The following ALKBH6 variants were observed in gnomAD, a reference collection of about 807,000 sequenced individuals.
The protein encoded by ALKBH6 is probable RNA/DNA demethylase ALKBH6.
Under a neutral mutation model 25.1 loss-of-function variants are expected in ALKBH6, and 20 were observed. The observed-to-expected ratio is 0.80, with a 90% confidence interval of 0.56 to 1.16. ALKBH6 has a LOEUF of 1.16. Among genes scored for constraint, ALKBH6 ranks in the 50% most tolerant of loss-of-function variants. The pLI is 0.00. For synonymous variants in ALKBH6, 156 were observed against 147.5 expected (o/e 1.06, Z -0.42); for missense variants, 263 against 326.5 (o/e 0.81, Z 1.50).
In ALKBH6 at chr19:36,009,159, G is replaced by A; in HGVS notation, c.*131C>T. ...TTTATTTGGTATGGGGTCTTCTGTAGCTCACACAAAATTATTGGGAAAATA... is the reference window on the plus strand; with the variant it reads ...TTTATTTGGTATGGGGTCTTCTGTAACTCACACAAAATTATTGGGAAAATA... On this transcript the variant is annotated 3_prime_UTR_variant, in exon 7 of 7. Transcript: ENST00000378875. The A allele has an allele frequency of 8.4e-7, 1 of 1,184,816 alleles. No individual in the cohort carries two copies. Among genetic ancestry groups the A allele is most frequent in the Non-Finnish European group, 1.1e-6 (1 of 945,452 alleles). 73.4% of individuals were successfully genotyped at this position (1,184,816 alleles called of 1,614,324 possible).
rs1248142742 is a variant in ALKBH6 at position 36,013,021 on chromosome 19, C to T, written c.123G>A (p.Gln41=). 1 of 1,613,024 alleles carries T rather than the reference C, an allele frequency of 6.2e-7. No individual in the cohort carries two copies. Among genetic ancestry groups the T allele is most frequent in the Non-Finnish European group, 8.5e-7 (1 of 1,179,206 alleles). The part of the protein sequence containing the change: ...SKEEEEYLLR[Q]VFNAPKPKWT... Reference sequence around the variant, plus strand: ...CAGACCAGTAGGGCACTGAGGTCACCTGTCGAAGCAAATACTCCTCCTCTT... The same window carrying T: ...CAGACCAGTAGGGCACTGAGGTCACTTGTCGAAGCAAATACTCCTCCTCTT... The change falls in exon 3 of 7, where the codon CAG becomes CAA. Residue 41 remains glutamine, a splice_region_variant and synonymous_variant. Coordinates refer to ENST00000378875, the MANE Select transcript of ALKBH6 (RefSeq NM_032878.5). This position sits in a 1 kb window ranked among gnomAD's most constrained non-coding sequence, Gnocchi z 4.6.
chr19:36,013,313 C>T lies in ALKBH6; in HGVS notation c.54+31G>A. 6.2e-7 allele frequency: 1 copy of T among 1,613,490 alleles called. No individual in the cohort carries two copies. The highest frequency in any genetic ancestry group is 8.5e-7 in the Non-Finnish European group (1 of 1,179,518). On this transcript the variant is annotated intron_variant, in intron 2 of 6. Coordinates refer to ENST00000378875, the MANE Select transcript of ALKBH6 (RefSeq NM_032878.5). The surrounding 1 kb of genome is among the most constrained non-coding windows in gnomAD (Gnocchi z 4.6). ...AAGAACTCAGGAATCAGCCTGCCTC[C>T]TTCACCCTCTGCACCCTGAGTTCTG...
In ALKBH6 at chr19:36,009,481, C is replaced by T; in HGVS notation, c.526G>A (p.Ala176Thr). ...PRSLLVLRGP[A>T]YTRLLHGIAA... is the part of the protein sequence containing the mutation. Reference sequence around the variant, plus strand: ...ATGCCGTGGAGAAGACGCGTGTAGGCGGGGCCGCGGAGCACCAGCAGGCTG... The same window carrying T: ...ATGCCGTGGAGAAGACGCGTGTAGGTGGGGCCGCGGAGCACCAGCAGGCTG... The change falls in exon 7 of 7, where the codon GCC becomes ACC. Residue 176 changes from alanine to threonine, a missense_variant. Coordinates refer to ENST00000378875, the MANE Select transcript of ALKBH6 (RefSeq NM_032878.5). 2.4e-6 allele frequency: 3 copies of T among 1,237,040 alleles called. No homozygotes were observed. The highest frequency in any genetic ancestry group is 3.8e-5 in the South Asian group (1 of 26,226). 76.6% of individuals were successfully genotyped at this position (1,237,040 alleles called of 1,614,324 possible). A position where few individuals can be genotyped will look rare whatever the true frequency, so the allele number is the denominator to read the frequency against.
In ALKBH6 at chr19:36,010,769, C is replaced by A. The variant is rs1968582942; in HGVS notation, c.337-86G>T. 1.0e-5 allele frequency: 16 copies of A among 1,565,808 alleles called. No individual in the cohort carries two copies. Among genetic ancestry groups the A allele is most frequent in the Non-Finnish European group, 1.4e-5 (16 of 1,138,362 alleles). On this transcript the variant is annotated intron_variant, in intron 5 of 6. Transcript: ENST00000378875. This position sits in a 1 kb window ranked among gnomAD's most constrained non-coding sequence, Gnocchi z 5.5. The stretch of plus-strand genomic sequence containing the variant: ...AAAGGGGGGCTTCCCAAGCCAGGGA[C>A]AGGGAGGTGAATGCCTGTTTGGGAG...
In ALKBH6 at chr19:36,011,001, G is replaced by C; in HGVS notation, c.229C>G (p.Pro77Ala). The change falls in exon 5 of 7, where the codon CCA becomes GCA. Residue 77 changes from proline to alanine, a missense_variant. Coordinates refer to ENST00000378875, the MANE Select transcript of ALKBH6 (RefSeq NM_032878.5). ...TTGTCCACGTAGCGCTGGAGCCATG[G>C]GGGCAGCCGCTCAGGAACCATCCCT... Reference protein sequence around the residue: ...PRGMVPERLPPWLQRYVDKVS... With the variant: ...PRGMVPERLPAWLQRYVDKVS... 6.2e-7 allele frequency: 1 copy of C among 1,613,434 alleles called. No homozygotes were observed. Among genetic ancestry groups the C allele is most frequent in the Non-Finnish European group, 8.5e-7 (1 of 1,179,730 alleles).
In ALKBH6 at chr19:36,010,675, C is replaced by T. The variant is rs1194702716; in HGVS notation, c.345G>A (p.Glu115=). The T allele has an allele frequency of 1.2e-6, 2 of 1,613,824 alleles. No individual in the cohort carries two copies. The highest frequency in any genetic ancestry group is 1.3e-5 in the African/African-American group (1 of 75,012). ...CAGTCGGGTAGTACAGTGGTCCGTC[C>T]TCGTGGGGCTAGGGAGTGGGCACCA... The part of the protein sequence containing the change: ...YLPGEGIMPH[E]DGPLYYPTVS... The change falls in exon 6 of 7, where the codon GAG becomes GAA. Residue 115 remains glutamate (E), a synonymous_variant. Transcript: ENST00000378875. This position sits in a 1 kb window ranked among gnomAD's most constrained non-coding sequence, Gnocchi z 5.5.
At position 36,010,977 on chromosome 19, in the gene ALKBH6, T is replaced by G. The variant is rs138805008; in HGVS notation, c.253A>C (p.Lys85Gln). 1 of 1,613,904 alleles carries G rather than the reference T, an allele frequency of 6.2e-7. No homozygotes were observed. The highest frequency in any genetic ancestry group is 1.3e-5 in the African/African-American group (1 of 74,912). Residue 85 changes from lysine (K) to glutamine (Q), a missense_variant, in exon 5 of 7, where the codon AAA becomes CAA. Lys to Gln is a moderately conservative substitution (Grantham distance 53). Coordinates refer to ENST00000378875, the MANE Select transcript of ALKBH6 (RefSeq NM_032878.5). The surrounding 1 kb of genome is among the most constrained non-coding windows in gnomAD (Gnocchi z 5.5). ...LPPWLQRYVD[K>Q]VSNLSLFGGL... ...CCAAAGAGGCTGAGGTTTGACACTTTGTCCACGTAGCGCTGGAGCCATGGG... is the reference window on the plus strand; with the variant it reads ...CCAAAGAGGCTGAGGTTTGACACTTGGTCCACGTAGCGCTGGAGCCATGGG...
Position 36,010,015 on chromosome 19 carries a change from G to A in ALKBH6, c.454-462C>T, listed in dbSNP as rs1254497594. Reference sequence around the variant, plus strand: ...GACATCAGGACATTAGAGGACAACCGCACAGCTGAGGGAGTGTCAGAGCAT... The same window carrying A: ...GACATCAGGACATTAGAGGACAACCACACAGCTGAGGGAGTGTCAGAGCAT... On this transcript the variant is annotated intron_variant, in intron 6 of 6. Transcript: ENST00000378875. This position sits in a 1 kb window ranked among gnomAD's most constrained non-coding sequence, Gnocchi z 5.5. Among the ~76,000 whole-genome samples, 3 of 152,180 alleles carry A rather than the reference G, an allele frequency of 2.0e-5. No individual in the cohort carries two copies. The highest frequency in any genetic ancestry group is 6.5e-5 in the Admixed American group (1 of 15,280).
chr19:36,009,472 G>T lies in ALKBH6; in HGVS notation c.535C>A (p.Arg179Ser). ...LLVLRGPAYT[R>S]LLHGIAAARV... ...GCGGCGGCGATGCCGTGGAGAAGAC[G>T]CGTGTAGGCGGGGCCGCGGAGCACC... is the stretch of plus-strand genomic sequence containing the variant. The change falls in exon 7 of 7, where the codon CGT (arginine) becomes AGT (serine). Residue 179 changes from arginine (R) to serine (S), a missense_variant. Arg to Ser is a moderately radical substitution (Grantham distance 110). Around this residue, in one of 3 missense-constraint regions of ALKBH6, gnomAD observed 148 missense variants for 157.5 expected, o/e 0.94. Transcript: ENST00000378875. 8.0e-7 allele frequency: 1 copy of T among 1,248,464 alleles called. No individual in the cohort carries two copies. The allele number at this position is 1,248,464 out of a possible 1,614,324, so 77.3% of individuals were successfully genotyped here.
chr19:36,012,842 C>T lies in ALKBH6; in HGVS notation c.123+179G>A, dbSNP rs1295581529. On this transcript the variant is annotated intron_variant, in intron 3 of 6. Transcript: ENST00000378875. ...CTATCTCAGCCTATGTTTATAACCCCCTATTCTCTAAGCTAGCAGGATTGG... is the reference window on the plus strand; with the variant it reads ...CTATCTCAGCCTATGTTTATAACCCTCTATTCTCTAAGCTAGCAGGATTGG... 7 of 645,844 alleles carry T rather than the reference C, an allele frequency of 1.1e-5. No individual in the cohort carries two copies. In the African/African-American group the frequency reaches 1.3e-4, roughly 12 times the overall value. The allele number at this position is 645,844 out of a possible 1,614,324, so 40.0% of individuals were successfully genotyped here.
Position 36,010,562 on chromosome 19 carries a change from C to A in ALKBH6, c.453+5G>T. 5 of 1,612,252 alleles carry A rather than the reference C, an allele frequency of 3.1e-6. No homozygotes were observed. Among genetic ancestry groups the A allele is most frequent in the Non-Finnish European group, 4.2e-6 (5 of 1,178,822 alleles). On this transcript the variant is annotated splice_donor_5th_base_variant and intron_variant, in intron 6 of 6. Coordinates refer to ENST00000378875, the MANE Select transcript of ALKBH6 (RefSeq NM_032878.5). This position sits in a 1 kb window ranked among gnomAD's most constrained non-coding sequence, Gnocchi z 5.5. Reference sequence around the variant, plus strand: ...AAGCAGCTGGGGCAGTGTCTGGGGGCCCACCTGTTCTGTAGGGTCATCGTC... The same window carrying A: ...AAGCAGCTGGGGCAGTGTCTGGGGGACCACCTGTTCTGTAGGGTCATCGTC...
chr19:36,009,278 C>T lies in ALKBH6; in HGVS notation c.*12G>A. ...AGGAACCTGGGAATCCGAGGGGTCC[C>T]GGCCCTGGCGGTCACTTGCCCAGCA... On this transcript the variant is annotated 3_prime_UTR_variant, in exon 7 of 7. Transcript: ENST00000378875. The T allele has an allele frequency of 2.2e-6, 3 of 1,338,044 alleles. No homozygotes were observed. Among genetic ancestry groups the T allele is most frequent in the East Asian group, 3.1e-5 (1 of 32,228 alleles). 82.9% of individuals were successfully genotyped at this position (1,338,044 alleles called of 1,614,324 possible). A position where few individuals can be genotyped will look rare whatever the true frequency, so the allele number is the denominator to read the frequency against.
chr19:36,010,848 C>T lies in ALKBH6; in HGVS notation c.336+46G>A. On this transcript the variant is annotated intron_variant, in intron 5 of 6. Coordinates refer to ENST00000378875, the MANE Select transcript of ALKBH6 (RefSeq NM_032878.5). The surrounding 1 kb of genome is among the most constrained non-coding windows in gnomAD (Gnocchi z 5.5). ...TACAGAGTCCCCTGCCCCAGCACAG[C>T]TCAGAAGTCTGAGTGGGGGGACACG... 6.2e-7 allele frequency: 1 copy of T among 1,610,106 alleles called. No individual in the cohort carries two copies. Among genetic ancestry groups the T allele is most frequent in the Non-Finnish European group, 8.5e-7 (1 of 1,177,172 alleles).
intron 6 of ALKBH6, 77 bp from the exon 7 acceptor site, chr19:36,009,630 G>A (rs1311481373): frequency 9.5e-7 from 1 of 1,051,036 alleles, no homozygotes; most frequent in Non-Finnish European, 1.2e-6. Context: ...TAGCCTCCGG[G>A]GATCAGCTAG....
chr19:36,013,264 G>T lies in ALKBH6; in HGVS notation c.54+80C>A. Reference sequence around the variant, plus strand: ...GGACTCTGACAGTAAGAATGAATTTGGTGGAAGGGGGCAGTCCCAACCCAA... The same window carrying T: ...GGACTCTGACAGTAAGAATGAATTTTGTGGAAGGGGGCAGTCCCAACCCAA... On this transcript the variant is annotated intron_variant, in intron 2 of 6. Coordinates refer to ENST00000378875, the MANE Select transcript of ALKBH6 (RefSeq NM_032878.5). This position sits in a 1 kb window ranked among gnomAD's most constrained non-coding sequence, Gnocchi z 4.6. The T allele has an allele frequency of 6.4e-7, 1 of 1,556,170 alleles. No individual in the cohort carries two copies. Among genetic ancestry groups the T allele is most frequent in the Non-Finnish European group, 8.9e-7 (1 of 1,129,354 alleles).
In ALKBH6 at chr19:36,011,221, C is replaced by T; in HGVS notation, c.185-176G>A. The T allele has an allele frequency of 1.3e-5, 15 of 1,120,544 alleles. No individual in the cohort carries two copies. In the South Asian group the frequency reaches 2.4e-4, roughly 18 times the overall value. 69.4% of individuals were successfully genotyped at this position (1,120,544 alleles called of 1,614,324 possible). On this transcript the variant is annotated intron_variant, in intron 4 of 6. Transcript: ENST00000378875. ...CCAGACCACAGGTCCCTTTCAGATA[C>T]TCCCAACTCATCAGGAAATCCCTAA...
intron 3 of ALKBH6, chr19:36,011,726 C>A: frequency 4.9e-6 from 2 of 409,744 alleles, no homozygotes; most frequent in Non-Finnish European, 9.1e-6. Context: ...GTGGGTCTCA[C>A]AATCTACTCA....
At chr19:36,011,075 C>A in intron 4 of ALKBH6, 30 bp from the exon 5 acceptor site, 1 of 1,570,252 alleles carries the variant, frequency 6.4e-7, no homozygotes, top group South Asian at 1.2e-5. Flanking sequence ...CCTGAGGGCC[C>A]CCCTATAGCA....
chr19:36,011,227 A>G, intron 4 of ALKBH6, 177 bp downstream of exon 4: 8 of 1,120,144 alleles, frequency 7.1e-6, no homozygotes, highest in Non-Finnish European at 8.8e-6. Flanking sequence ...GATACTCCCA[A>G]CTCATCAGGA....
Sources: allele counts gnomAD v4.1 joint callset (sites outside exome capture counted in the v4.1 genomes callset), GRCh38; gene constraint gnomAD v4.1.1; regional missense constraint gnomAD v4.1.1; non-coding constraint Gnocchi (gnomAD v3.1); transcripts MANE v1.5; gene names NCBI Gene and HGNC (gene_info 2026-07-23, HGNC 2026-07-21).